The following NCAPH variants were observed in gnomAD, a reference collection of about 807,000 sequenced individuals.
NCAPH encodes the protein non-SMC condensin I complex subunit H, also known as condensin complex subunit 2.
In NCAPH, 38 loss-of-function variants were observed where a neutral mutation model predicts 85.5. That is an observed-to-expected ratio of 0.44 (90% CI 0.34 to 0.58). The LOEUF is 0.58. Ranked by LOEUF, NCAPH falls within the 20% of genes least tolerant of loss-of-function variation. The pLI is 0.01. For synonymous variants in NCAPH, 301 were observed against 335.1 expected (o/e 0.90, Z 1.11); for missense variants, 789 against 916.6 (o/e 0.86, Z 1.80).
chr2:96,343,775 A>C (rs979992096), intron 5 of NCAPH, among the ~76,000 whole-genome samples: 2 of 151,352 alleles, frequency 1.3e-5, no homozygotes, highest in African/African-American at 4.9e-5. Flanking sequence ...ATCTGGGCTC[A>C]CGGCAGCCTC....
chr2:96,344,905 T>C (rs929502776), intron 6 of NCAPH, among the ~76,000 whole-genome samples: 1 of 152,206 alleles, frequency 6.6e-6, no homozygotes, highest in Admixed American at 6.5e-5. Context: ...TATGGGAGAA[T>C]ATCTGTAAGA....
chr2:96,365,442 A>T (rs958627167), intron 13 of NCAPH, among the ~76,000 whole-genome samples: 2 of 151,190 alleles, frequency 1.3e-5, no homozygotes, highest in African/African-American at 4.9e-5. Flanking sequence ...TTCACTCTGG[A>T]TGTGATCGCA....
At chr2:96,360,553 A>C in intron 11 of NCAPH, 35 bp from the exon 12 acceptor site, 1 of 1,611,378 alleles carries the variant, frequency 6.2e-7, no homozygotes, top group Non-Finnish European at 8.5e-7. Flanking sequence ...CCACTGTTAA[A>C]ATGCCTAAAA....
intron 1 of NCAPH, among the ~76,000 whole-genome samples, chr2:96,338,302 C>T (rs1309016560): frequency 6.6e-6 from 1 of 151,176 alleles, no homozygotes; most frequent in East Asian, 1.9e-4. Context: ...GCCATTGCAC[C>T]TGCTCCCTGC....
Position 96,343,165 on chromosome 2 carries a change from G to C in NCAPH, c.457-1G>C. ...GAGTGCAGCTCTGATTGTTTGACTA[G>C]GTGGCTGCGGGTACTCTGGATGCCA... On this transcript the variant is annotated splice_acceptor_variant, in intron 4 of 17. Transcript: ENST00000240423. LOFTEE classifies it high-confidence loss of function. 2 of 1,614,026 alleles carry C rather than the reference G, an allele frequency of 1.2e-6. No individual in the cohort carries two copies. The highest frequency in any genetic ancestry group is 1.7e-6 in the Non-Finnish European group (2 of 1,179,990).
chr2:96,372,174 T>C (rs1270241974), intron 17 of NCAPH, among the ~76,000 whole-genome samples: 3 of 152,160 alleles, frequency 2.0e-5, no homozygotes, highest in Non-Finnish European at 4.4e-5. Context: ...CATAGCTGCT[T>C]AGTCCTGAGG....
chr2:96,339,216 T>C (rs571759773), intron 1 of NCAPH, among the ~76,000 whole-genome samples: 6 of 152,342 alleles, frequency 3.9e-5, no homozygotes, highest in African/African-American at 1.4e-4. Context: ...AGGTTTTTGT[T>C]TGTTTGTTTT....
At chr2:96,363,975 T>G (rs1317275705) in intron 12 of NCAPH, among the ~76,000 whole-genome samples, 3 of 152,108 alleles carry the variant, frequency 2.0e-5, no homozygotes, top group Non-Finnish European at 4.4e-5. Flanking sequence ...CATGCCATCT[T>G]TTTTTGTAGA....
At chr2:96,337,487 T>A (rs1390231338) in intron 1 of NCAPH, among the ~76,000 whole-genome samples, 1 of 152,000 alleles carries the variant, frequency 6.6e-6, no homozygotes, top group Non-Finnish European at 1.5e-5. Context: ...TGGTGCAATC[T>A]CGGCCCACTG....
At position 96,375,554 on chromosome 2, in the gene NCAPH, G is replaced by A. The variant is rs190720350; in HGVS notation, c.*2203G>A. On this transcript the variant is annotated 3_prime_UTR_variant, in exon 18 of 18. Coordinates refer to ENST00000240423, the MANE Select transcript of NCAPH (RefSeq NM_015341.5). ...CCCCTCACCAGACAGCAAATCTGCC[G>A]GCGTCTTGATCTTGGACTTCTCAGC... is the stretch of plus-strand genomic sequence containing the variant. Among the ~76,000 whole-genome samples the A allele has an allele frequency of 7.2e-5, 11 of 152,242 alleles. No homozygotes were observed. The highest frequency in any genetic ancestry group is 3.4e-3 in the Middle Eastern group (1 of 294).
chr2:96,352,073 T>A, intron 7 of NCAPH, 53 bp downstream of exon 7: 2 of 1,501,254 alleles, frequency 1.3e-6, no homozygotes, highest in Non-Finnish European at 9.1e-7. Context: ...GGGGAATTTT[T>A]TTACATAACC....
rs917689710 is a variant in NCAPH at position 96,376,775 on chromosome 2, C to T, written c.*3424C>T. 2.6e-5 allele frequency among the ~76,000 whole-genome samples: 4 copies of T among 152,050 alleles called. No homozygotes were observed. Among genetic ancestry groups the T allele is most frequent in the African/African-American group, 9.7e-5 (4 of 41,390 alleles). On this transcript the variant is annotated 3_prime_UTR_variant, in exon 18 of 18. Transcript: ENST00000240423. The stretch of plus-strand genomic sequence containing the variant: ...GATCTAGGTCTTCGAGTAGAATTCT[C>T]AGTTTTGGTTCATTTAAAAATGTTT...
Position 96,341,405 on chromosome 2 carries a change from A to C in NCAPH, c.20-237A>C. On this transcript the variant is annotated intron_variant, in intron 1 of 17. Transcript: ENST00000240423. The stretch of plus-strand genomic sequence containing the variant: ...ATATCCATGCAGTACTTAAATTCAC[A>C]TAGCTGCAGAGTGGATATTTGTCCC... 3.8e-6 allele frequency: 2 copies of C among 519,654 alleles called. 1 individual carries two copies. Among genetic ancestry groups the C allele is most frequent in the South Asian group, 5.6e-5 (2 of 35,708 alleles). The allele number at this position is 519,654 out of a possible 1,614,324, so 32.2% of individuals were successfully genotyped here.
In NCAPH at chr2:96,373,609, T is replaced by A; in HGVS notation, c.*258T>A. On this transcript the variant is annotated 3_prime_UTR_variant, in exon 18 of 18. Transcript: ENST00000240423. ...GAGGGGAGGGCAGAGGGGGTGAGGGTACTATTCTGGATTGAGAAAACCTAT... is the reference window on the plus strand; with the variant it reads ...GAGGGGAGGGCAGAGGGGGTGAGGGAACTATTCTGGATTGAGAAAACCTAT... The A allele has an allele frequency of 2.7e-6, 1 of 376,868 alleles. No homozygotes were observed. Among genetic ancestry groups the A allele is most frequent in the Non-Finnish European group, 4.8e-6 (1 of 208,172 alleles). The allele number at this position is 376,868 out of a possible 1,614,324, so 23.3% of individuals were successfully genotyped here.
chr2:96,367,201 T>C, intron 14 of NCAPH, 56 bp from the exon 15 acceptor site: 1 of 1,277,160 alleles, frequency 7.8e-7, no homozygotes, highest in Non-Finnish European at 1.1e-6. Flanking sequence ...TACAGTGAAT[T>C]ATGGTAAAAG....
chr2:96,364,538 G>T lies in NCAPH; in HGVS notation c.1645G>T (p.Asp549Tyr). 6.2e-7 allele frequency: 1 copy of T among 1,613,864 alleles called. No homozygotes were observed. Among genetic ancestry groups the T allele is most frequent in the South Asian group, 1.1e-5 (1 of 91,060 alleles). ...GACTGAGCATTATGAAGAAATTGAA[G>T]ACTATGATTACAACAACCCTAACGA... ...VETEHYEEIE[D>Y]YDYNNPNDTS... The change falls in exon 13 of 18, where the codon GAC becomes TAC. Residue 549 changes from aspartate (D) to tyrosine (Y), a missense_variant. Coordinates refer to ENST00000240423, the MANE Select transcript of NCAPH (RefSeq NM_015341.5).
intron 4 of NCAPH, 37 bp from the exon 5 acceptor site, chr2:96,343,129 T>G (rs2064317023): frequency 6.2e-7 from 1 of 1,604,514 alleles, no homozygotes; most frequent in African/African-American, 1.3e-5. Context: ...TTGTTTTTTG[T>G]GTATCTTTGT....
intron 13 of NCAPH, among the ~76,000 whole-genome samples, chr2:96,365,439 T>G (rs1033657067): frequency 5.9e-5 from 9 of 151,692 alleles, no homozygotes; most frequent in African/African-American, 2.2e-4. Context: ...ACATTCACTC[T>G]GGATGTGATC....
chr2:96,369,826 T>G (rs993012499), intron 17 of NCAPH, among the ~76,000 whole-genome samples: 35 of 152,162 alleles, frequency 2.3e-4, no homozygotes, highest in Admixed American at 1.8e-3. Context: ...CAAAGCCTAG[T>G]AGTACCAAAG....
Sources: gnomAD v4.1 joint callset for allele counts (sites outside exome capture counted in the v4.1 genomes callset) on GRCh38, gnomAD v4.1.1 for gene constraint, MANE v1.5 for transcripts, NCBI Gene and HGNC (gene_info 2026-07-23, HGNC 2026-07-21) for gene names.